Variants in ADGRG7 observed in about 807,000 individuals in gnomAD.
ADGRG7 encodes adhesion G protein-coupled receptor G7.
ADGRG7 carries 82 observed loss-of-function variants against 88.6 expected under a neutral mutation model. The observed-to-expected ratio is 0.93, with a 90% CI of 0.77 to 1.11. The LOEUF (loss-of-function observed/expected upper bound fraction) is 1.11, where lower values mean the gene tolerates loss of function less well. Ranked by LOEUF, ADGRG7 falls within the 50% of genes most tolerant of loss-of-function variation. ADGRG7 has a pLI of 0.00. For synonymous variants in ADGRG7, 381 were observed against 345.2 expected (o/e 1.10, Z -1.15); for missense variants, 945 against 953.4 (o/e 0.99, Z 0.12).
At chr3:100,683,358 T>C (rs2094976671) in intron 15 of ADGRG7, among the ~76,000 whole-genome samples, 1 of 152,118 alleles carries the variant, frequency 6.6e-6, no homozygotes, top group African/African-American at 2.4e-5. Flanking sequence ...ACCTAGGAAC[T>C]CCCTGAGCCA....
At chr3:100,678,225 T>C (rs1023275750) in intron 15 of ADGRG7, among the ~76,000 whole-genome samples, 5 of 152,124 alleles carry the variant, frequency 3.3e-5, no homozygotes, top group African/African-American at 9.7e-5. Context: ...GATTCATTCT[T>C]AAGTATATGT....
At chr3:100,635,628 T>C in intron 4 of ADGRG7, 49 bp from the exon 5 acceptor site, 1 of 1,588,996 alleles carries the variant, frequency 6.3e-7, no homozygotes, top group Non-Finnish European at 8.6e-7. Flanking sequence ...ACAAAGTGTT[T>C]GGACATAATT....
At chr3:100,614,058 T>C (rs1034611983) in intron 1 of ADGRG7, among the ~76,000 whole-genome samples, 2 of 152,342 alleles carry the variant, frequency 1.3e-5, no homozygotes, top group Middle Eastern at 3.4e-3. Context: ...TTTAAGATGA[T>C]GTCTAGGACG....
At chr3:100,671,815 C>G (rs1218303966) in intron 15 of ADGRG7, among the ~76,000 whole-genome samples, 5 of 152,152 alleles carry the variant, frequency 3.3e-5, no homozygotes, top group Admixed American at 3.3e-4. Flanking sequence ...AATAGGGAAT[C>G]CTTTCTCCAT....
intron 1 of ADGRG7, among the ~76,000 whole-genome samples, chr3:100,626,459 G>C (rs996953611): frequency 1.3e-5 from 2 of 152,114 alleles, no homozygotes; most frequent in African/African-American, 4.8e-5. Context: ...TCCATACAAG[G>C]TATATATCTC....
chr3:100,668,886 T>C, intron 14 of ADGRG7, 63 bp from the exon 15 acceptor site: 1 of 1,218,764 alleles, frequency 8.2e-7, no homozygotes. Flanking sequence ...AGGAGAGTAA[T>C]AATGACGTTG....
At chr3:100,641,598 G>A (rs1006393033) in intron 6 of ADGRG7, among the ~76,000 whole-genome samples, 1 of 151,342 alleles carries the variant, frequency 6.6e-6, no homozygotes, top group Non-Finnish European at 1.5e-5. Flanking sequence ...AGCAGAAGTT[G>A]CAAACACGCT....
intron 6 of ADGRG7, among the ~76,000 whole-genome samples, chr3:100,637,890 C>T (rs976163864): frequency 1.3e-5 from 2 of 152,166 alleles, no homozygotes; most frequent in African/African-American, 4.8e-5. Flanking sequence ...ATAGGGGTGC[C>T]CCGTTTACTC....
At chr3:100,615,738 T>G (rs1707215768) in intron 1 of ADGRG7, among the ~76,000 whole-genome samples, 1 of 152,186 alleles carries the variant, frequency 6.6e-6, no homozygotes, top group African/African-American at 2.4e-5. Context: ...AAGCAGGCTT[T>G]CTTTCTTGAG....
At chr3:100,642,615 G>T (rs1378363825) in intron 6 of ADGRG7, among the ~76,000 whole-genome samples, 2 of 152,288 alleles carry the variant, frequency 1.3e-5, no homozygotes, top group Non-Finnish European at 2.9e-5. Flanking sequence ...ACAAGAAAAA[G>T]AAAAGGTCTT....
chr3:100,611,983 G>A (rs1166392441), intron 1 of ADGRG7, among the ~76,000 whole-genome samples: 1 of 151,986 alleles, frequency 6.6e-6, no homozygotes, highest in Non-Finnish European at 1.5e-5. Flanking sequence ...TTTTTTTAAG[G>A]GGGAGAGAGG....
chr3:100,672,911 T>A (rs1000997779), intron 15 of ADGRG7, among the ~76,000 whole-genome samples: 3 of 152,192 alleles, frequency 2.0e-5, no homozygotes, highest in African/African-American at 7.2e-5. Context: ...TGAAGCCAAG[T>A]TGATCATGAT....
In ADGRG7 at chr3:100,635,827, G is replaced by A. The variant is rs1342923816; in HGVS notation, c.597+1G>A. Reference sequence around the variant, plus strand: ...CACTTCCAGAAATGCTTCACCTGAGGTAAAACTCACAGAGCTTTAAAAAAA... The same window carrying A: ...CACTTCCAGAAATGCTTCACCTGAGATAAAACTCACAGAGCTTTAAAAAAA... On this transcript the variant is annotated splice_donor_variant, in intron 5 of 15. Coordinates refer to ENST00000273352, the MANE Select transcript of ADGRG7 (RefSeq NM_032787.3). LOFTEE classifies it high-confidence loss of function. The A allele has an allele frequency of 6.2e-7, 1 of 1,601,814 alleles. No individual in the cohort carries two copies. Among genetic ancestry groups the A allele is most frequent in the Admixed American group, 1.8e-5 (1 of 56,758 alleles).
intron 1 of ADGRG7, among the ~76,000 whole-genome samples, chr3:100,619,019 G>A (rs1044237931): frequency 1.3e-5 from 2 of 152,044 alleles, no homozygotes; most frequent in African/African-American, 4.8e-5. Flanking sequence ...CTCTCTGTTT[G>A]TCTACTATTG....
intron 1 of ADGRG7, among the ~76,000 whole-genome samples, chr3:100,614,815 C>T (rs376586130): frequency 6.6e-6 from 1 of 152,032 alleles, no homozygotes; most frequent in Non-Finnish European, 1.5e-5. Flanking sequence ...TTTTATGCTA[C>T]TTTCTCAAGC....
At position 100,690,675 on chromosome 3, in the gene ADGRG7, G is replaced by C. The variant is rs1465136834; in HGVS notation, c.2137-4069G>C. Among the ~76,000 whole-genome samples, 8 of 152,198 alleles carry C rather than the reference G, an allele frequency of 5.3e-5. No homozygotes were observed. The East Asian group carries it at 7.7e-4, about 15-fold the overall frequency. ...CTGGGTATCAGCAGTGGTGGCTGCAGAACAGTGGATATTGGTGAACCGCAA... is the reference window on the plus strand; with the variant it reads ...CTGGGTATCAGCAGTGGTGGCTGCACAACAGTGGATATTGGTGAACCGCAA... On this transcript the variant is annotated intron_variant, in intron 15 of 15. Coordinates refer to ENST00000273352, the MANE Select transcript of ADGRG7 (RefSeq NM_032787.3).
chr3:100,632,624 T>C (rs557772174), intron 3 of ADGRG7, among the ~76,000 whole-genome samples: 3 of 152,322 alleles, frequency 2.0e-5, no homozygotes, highest in South Asian at 2.1e-4. Context: ...TTACATATTA[T>C]TGAAGCAATC....
At chr3:100,641,957 C>T (rs575943458) in intron 6 of ADGRG7, among the ~76,000 whole-genome samples, 1 of 152,286 alleles carries the variant, frequency 6.6e-6, no homozygotes, top group South Asian at 2.1e-4. Context: ...AGGTGGATGA[C>T]CACTTTCTGG....
chr3:100,640,038 C>T (rs1707612278), intron 6 of ADGRG7, among the ~76,000 whole-genome samples: 1 of 152,194 alleles, frequency 6.6e-6, no homozygotes, highest in Non-Finnish European at 1.5e-5. Flanking sequence ...TGCATAAGCT[C>T]TTGTGGACTC....
Sources: allele counts gnomAD v4.1 joint callset (sites outside exome capture counted in the v4.1 genomes callset), GRCh38; gene constraint gnomAD v4.1.1; transcripts MANE v1.5; gene names NCBI Gene and HGNC (gene_info 2026-07-23, HGNC 2026-07-21).